The following CRYBG1 variants were observed in gnomAD, a reference collection of about 807,000 sequenced individuals.
CRYBG1 encodes crystallin beta-gamma domain containing 1, also known as beta/gamma crystallin domain-containing protein 1.
In CRYBG1, 139 loss-of-function variants were observed where a neutral mutation model predicts 189.2. The observed-to-expected ratio is 0.73, with a 90% CI of 0.64 to 0.85. The LOEUF is 0.85. Among genes scored for constraint, CRYBG1 ranks in the 40% least tolerant of loss-of-function variants. CRYBG1 has a pLI of 0.00. For synonymous variants in CRYBG1, 1,023 were observed against 1,017.1 expected (o/e 1.01, Z -0.11); for missense variants, 2,611 against 2,675.8 (o/e 0.98, Z 0.53).
At chr6:106,539,360 G>T in intron 8 of CRYBG1, 43 bp from the exon 9 acceptor site, 1 of 1,605,188 alleles carries the variant, frequency 6.2e-7, no homozygotes, top group Non-Finnish European at 8.5e-7. Context: ...TGAAACAAAT[G>T]ATGAGTCGGC....
intron 2 of CRYBG1, among the ~76,000 whole-genome samples, chr6:106,453,682 G>T (rs934501488): frequency 6.6e-6 from 1 of 152,164 alleles, no homozygotes; most frequent in African/African-American, 2.4e-5. Flanking sequence ...GAAAAAATTC[G>T]TGGCAGTGTT....
intron 4 of CRYBG1, among the ~76,000 whole-genome samples, 182 bp from the exon 5 acceptor site, chr6:106,524,951 C>A (rs1773700063): frequency 6.6e-6 from 1 of 152,134 alleles, no homozygotes; most frequent in South Asian, 2.1e-4. Context: ...GGTGAAAAAA[C>A]CTCAATTTAA....
At chr6:106,492,911 T>G (rs563045241) in intron 2 of CRYBG1, among the ~76,000 whole-genome samples, 2 of 152,206 alleles carry the variant, frequency 1.3e-5, no homozygotes, top group African/African-American at 4.8e-5. Context: ...TCTGTAAATA[T>G]AGTCATGGTA....
chr6:106,558,784 G>T (rs1456203270), intron 18 of CRYBG1, among the ~76,000 whole-genome samples, 159 bp downstream of exon 18: 1 of 152,116 alleles, frequency 6.6e-6, no homozygotes, highest in Non-Finnish European at 1.5e-5. Flanking sequence ...GCAACAAAGT[G>T]AGACCCCATC....
chr6:106,512,975 G>A lies in CRYBG1; in HGVS notation c.1858G>A (p.Asp620Asn), dbSNP rs1773332344. The A allele has an allele frequency of 6.2e-7, 1 of 1,611,106 alleles. No individual in the cohort carries two copies. The highest frequency in any genetic ancestry group is 8.5e-7 in the Non-Finnish European group (1 of 1,179,572). ...AAGAPGASDADGLKPRNHFGV... is the reference protein window; with the variant it reads ...AAGAPGASDANGLKPRNHFGV... ...CGGAGCGCCTGGAGCTTCTGACGCC[G>A]ACGGCTTGAAGCCCAGGAACCATTT... The change falls in exon 3 of 22, where the codon GAC becomes AAC. Residue 620 changes from aspartate to asparagine, a missense_variant. Physicochemically the swap from Asp to Asn is conservative, Grantham distance 23 (BLOSUM62 1). This residue lies in a region of CRYBG1 where 985 missense variants were observed against 924.4 expected (regional missense o/e 1.07). Coordinates refer to ENST00000633556, the MANE Select transcript of CRYBG1 (RefSeq NM_001371242.2).
intron 21 of CRYBG1, among the ~76,000 whole-genome samples, chr6:106,566,894 T>A (rs1774904543): frequency 6.6e-6 from 1 of 152,224 alleles, no homozygotes; most frequent in African/African-American, 2.4e-5. Context: ...TAGCTCATCT[T>A]CTTGTGTTTG....
chr6:106,526,941 CAAAAAAAAA>C (rs35768853), intron 6 of CRYBG1, among the ~76,000 whole-genome samples: 2 of 88,370 alleles, frequency 2.3e-5, no homozygotes, highest in Admixed American at 2.8e-4. Context: ...ACTCTGTATC[CAAAAAAAAA>C]AAAAAAAAAG....
chr6:106,480,958 G>A (rs6149740), intron 2 of CRYBG1, among the ~76,000 whole-genome samples: 4 of 121,188 alleles, frequency 3.3e-5, no homozygotes, highest in Non-Finnish European at 6.7e-5. Context: ...GTGACAGAGT[G>A]AGACTCTGTC....
At chr6:106,478,217 T>C (rs763979862) in intron 2 of CRYBG1, among the ~76,000 whole-genome samples, 1 of 152,208 alleles carries the variant, frequency 6.6e-6, no homozygotes, top group African/African-American at 2.4e-5. Flanking sequence ...ATAATGAGGG[T>C]GCACAAAAAT....
Position 106,561,379 on chromosome 6 carries a change from G to C in CRYBG1, c.6017G>C (p.Gly2006Ala). The C allele has an allele frequency of 1.2e-6, 2 of 1,614,092 alleles. No individual in the cohort carries two copies. The highest frequency in any genetic ancestry group is 1.7e-6 in the Non-Finnish European group (2 of 1,179,990). ...TTCAGACTTCGAAACAAAGCAACAG[G>C]GTTATTCATGTCAACCAATGGAAAC... Reference protein sequence around the residue: ...IYFRLRNKATGLFMSTNGNLE... With the variant: ...IYFRLRNKATALFMSTNGNLE... Residue 2006 changes from glycine (G) to alanine (A), a missense_variant, in exon 20 of 22, where the codon GGG becomes GCG. This residue lies in a region of CRYBG1 where 1,622 missense variants were observed against 1,735.0 expected (regional missense o/e 0.93). Coordinates refer to ENST00000633556, the MANE Select transcript of CRYBG1 (RefSeq NM_001371242.2).
intron 1 of CRYBG1, among the ~76,000 whole-genome samples, chr6:106,445,922 G>A (rs145291448): frequency 6.6e-6 from 1 of 152,284 alleles, no homozygotes; most frequent in African/African-American, 2.4e-5. Flanking sequence ...TCTGGAGATG[G>A]GAGAGATTTA....
At chr6:106,365,717 A>G (rs1771975603) in intron 1 of CRYBG1, among the ~76,000 whole-genome samples, 1 of 142,246 alleles carries the variant, frequency 7.0e-6, no homozygotes, top group South Asian at 2.3e-4. Flanking sequence ...AAAAATTATC[A>G]CCATTGAACT....
Position 106,562,589 on chromosome 6 carries a change from C to T in CRYBG1, c.6138+1089C>T, listed in dbSNP as rs112449996. On this transcript the variant is annotated intron_variant, in intron 20 of 21. Coordinates refer to ENST00000633556, the MANE Select transcript of CRYBG1 (RefSeq NM_001371242.2). ...TCAACCTGTACCTCCCGGGTTCACG[C>T]GATTCTCCTGCCTCAGCCTCTCGAG... 6.2e-3 allele frequency among the ~76,000 whole-genome samples: 949 copies of T among 152,038 alleles called. 11 individuals carry two copies. The highest frequency in any genetic ancestry group is 0.022 in the African/African-American group (901 of 41,448).
intron 1 of CRYBG1, among the ~76,000 whole-genome samples, chr6:106,365,115 T>A (rs904934538): frequency 6.6e-6 from 1 of 152,144 alleles, no homozygotes; most frequent in Non-Finnish European, 1.5e-5. Context: ...TTTTTAAATA[T>A]TAAAAATAGT....
chr6:106,406,015 A>G (rs911886239), intron 1 of CRYBG1, among the ~76,000 whole-genome samples: 5 of 152,188 alleles, frequency 3.3e-5, no homozygotes, highest in Non-Finnish European at 7.3e-5. Flanking sequence ...ACAAAACTGG[A>G]TGGAGAATGA....
chr6:106,559,053 T>C (rs1582839918), intron 18 of CRYBG1, among the ~76,000 whole-genome samples: 1 of 152,362 alleles, frequency 6.6e-6, no homozygotes, highest in East Asian at 1.9e-4. Flanking sequence ...TAAGGGTTAA[T>C]AATTATGCAC....
chr6:106,364,916 T>C (rs1456840938), intron 1 of CRYBG1, among the ~76,000 whole-genome samples: 1 of 152,234 alleles, frequency 6.6e-6, no homozygotes, highest in East Asian at 1.9e-4. Context: ...AACGAGTTAA[T>C]GCATTTCAAG....
intron 1 of CRYBG1, chr6:106,449,327 G>A (rs1771732926): frequency 6.6e-6 from 1 of 152,150 alleles, no homozygotes; most frequent in Non-Finnish European, 1.5e-5. Flanking sequence ...ACTATTAAGG[G>A]GAGCAGACTG....
chr6:106,490,028 A>G (rs1378211741), intron 2 of CRYBG1, among the ~76,000 whole-genome samples: 7 of 152,230 alleles, frequency 4.6e-5, no homozygotes, highest in Non-Finnish European at 8.8e-5. Context: ...TTTGTCTTCT[A>G]CGGAGAGACT....
Sources: allele counts gnomAD v4.1 joint callset (sites outside exome capture counted in the v4.1 genomes callset), GRCh38; gene constraint gnomAD v4.1.1; regional missense constraint gnomAD v4.1.1; transcripts MANE v1.5; gene names NCBI Gene and HGNC (gene_info 2026-07-23, HGNC 2026-07-21).